The following RAB5A variants were observed in gnomAD, a reference collection of about 807,000 sequenced individuals.
RAB5A encodes the protein RAB5A, member RAS oncogene family.
In RAB5A, 8 loss-of-function variants were observed where a neutral mutation model predicts 25.7. The ratio of observed to expected loss-of-function variants is 0.31; its 90% CI spans 0.18 to 0.56. RAB5A has a LOEUF of 0.56. Ranked by LOEUF, RAB5A falls within the 20% of genes least tolerant of loss-of-function variation. The probability of loss-of-function intolerance (pLI) is 0.91; values close to 1 mark genes in which losing one functional copy is unlikely to be tolerated. For synonymous variants in RAB5A, 98 were observed against 89.8 expected (o/e 1.09, Z -0.52); for missense variants, 192 against 259.7 (o/e 0.74, Z 1.79).
intron 2 of RAB5A, among the ~76,000 whole-genome samples, chr3:19,956,412 C>T (rs1419502558): frequency 6.6e-6 from 1 of 152,170 alleles, no homozygotes; most frequent in African/African-American, 2.4e-5. Flanking sequence ...CGAGATCGCG[C>T]CATTGCACTC....
chr3:19,977,634 G>A (rs945823289), intron 4 of RAB5A, among the ~76,000 whole-genome samples: 2 of 152,276 alleles, frequency 1.3e-5, no homozygotes, highest in Admixed American at 6.5e-5. Context: ...CACAAGAGTG[G>A]CAGAGAAAAC....
Position 19,950,982 on chromosome 3 carries a change from G to T in RAB5A, c.84G>T (p.Glu28Asp). Residue 28 changes from glutamate (E) to aspartate (D), a missense_variant, in exon 2 of 6, where the codon GAG becomes GAT. Coordinates refer to ENST00000273047, the MANE Select transcript of RAB5A (RefSeq NM_004162.5). ...AGTTCAAACTAGTACTTCTGGGAGA[G>T]TCCGCTGTTGGCAAATCAAGCCTAG... ...ICQFKLVLLGESAVGKSSLVL... is the reference protein window; with the variant it reads ...ICQFKLVLLGDSAVGKSSLVL... 2 of 1,614,080 alleles carry T rather than the reference G, an allele frequency of 1.2e-6. No individual in the cohort carries two copies. Among genetic ancestry groups the T allele is most frequent in the Non-Finnish European group, 1.7e-6 (2 of 1,179,958 alleles).
At chr3:19,965,082 C>A (rs183423741) in intron 2 of RAB5A, among the ~76,000 whole-genome samples, 1 of 150,620 alleles carries the variant, frequency 6.6e-6, no homozygotes, top group Non-Finnish European at 1.5e-5. Flanking sequence ...CCACCATGCC[C>A]GACTAATTTT....
intron 2 of RAB5A, among the ~76,000 whole-genome samples, chr3:19,951,719 T>TTTTTTTTA (rs1553638043): frequency 2.7e-5 from 4 of 147,638 alleles, no homozygotes; most frequent in African/African-American, 1.0e-4. Flanking sequence ...TTTTTTTTTT[T>TTTTTTTTA]AAGAGTCAGA....
intron 2 of RAB5A, among the ~76,000 whole-genome samples, chr3:19,974,444 C>T (rs113831341): frequency 4.2e-4 from 64 of 151,982 alleles, no homozygotes; most frequent in Non-Finnish European, 1.3e-4. Flanking sequence ...TGAGCCACCA[C>T]GCCTGGCCTA....
chr3:19,952,983 G>T (rs4858660), intron 2 of RAB5A, among the ~76,000 whole-genome samples: 3 of 151,760 alleles, frequency 2.0e-5, no homozygotes, highest in African/African-American at 4.9e-5. Flanking sequence ...CAAAGTATAT[G>T]TGCATTCTGG....
In RAB5A at chr3:19,984,736, C is replaced by T. The variant is rs1346645145; in HGVS notation, c.*913C>T. The T allele has an allele frequency of 6.5e-6, 1 of 153,162 alleles. No individual in the cohort carries two copies. Among genetic ancestry groups the T allele is most frequent in the East Asian group, 1.9e-4 (1 of 5,206 alleles). 9.5% of individuals were successfully genotyped at this position (153,162 alleles called of 1,614,324 possible). A position where few individuals can be genotyped will look rare whatever the true frequency, so the allele number is the denominator to read the frequency against. On this transcript the variant is annotated 3_prime_UTR_variant, in exon 6 of 6. Coordinates refer to ENST00000273047, the MANE Select transcript of RAB5A (RefSeq NM_004162.5). ...TGTAAATAGGGTACTGCATTGTAGT[C>T]TCCATATCTGTATTACTTTTCTGTA...
rs1202465417 is a variant in RAB5A at position 19,950,948 on chromosome 3, A to G, written c.50A>G (p.Lys17Arg). 1 of 1,613,974 alleles carries G rather than the reference A, an allele frequency of 6.2e-7. No individual in the cohort carries two copies. Among genetic ancestry groups the G allele is most frequent in the Non-Finnish European group, 8.5e-7 (1 of 1,179,894 alleles). ...TRPNGPNTGN[K>R]ICQFKLVLLG... ...CCCAACGGGCCAAATACGGGAAATA[A>G]AATATGCCAGTTCAAACTAGTACTT... Residue 17 changes from lysine (K) to arginine (R), a missense_variant, in exon 2 of 6, where the codon AAA (lysine) becomes AGA (arginine). By Grantham distance (26) the Lys-to-Arg change is conservative (BLOSUM62 2). Coordinates refer to ENST00000273047, the MANE Select transcript of RAB5A (RefSeq NM_004162.5).
At chr3:19,959,625 AT>A (rs63289661) in intron 2 of RAB5A, among the ~76,000 whole-genome samples, 32,429 of 117,720 alleles carry the variant, frequency 0.28, 4,256 homozygotes, top group East Asian at 0.62. Context: ...TTGTGTTCTG[AT>A]TTTTTTTTTT....
At position 19,963,376 on chromosome 3, in the gene RAB5A, C is replaced by CCCCCG. The variant is rs869290360; in HGVS notation, c.164-12223_164-12222insCCGCC. Among the ~76,000 whole-genome samples, 102 of 86,762 alleles carry CCCCCG rather than the reference C, an allele frequency of 1.2e-3. 1 individual carries two copies. Among genetic ancestry groups the CCCCCG allele is most frequent in the South Asian group, 3.7e-3 (7 of 1,874 alleles). The allele number at this position is 86,762 out of a possible 152,430, so 56.9% of individuals were successfully genotyped here. On this transcript the variant is annotated intron_variant, in intron 2 of 5. Transcript: ENST00000273047. ...ATCTTAGAATTTCACCCCCCCCCCCCCCGACTTATTTTCGTAAGATCAATT... is the reference window on the plus strand; with the variant it reads ...ATCTTAGAATTTCACCCCCCCCCCCCCCCCGCCGACTTATTTTCGTAAGATCAATT...
intron 2 of RAB5A, among the ~76,000 whole-genome samples, chr3:19,963,369 C>G (rs1239988353): frequency 1.5e-5 from 1 of 65,094 alleles, no homozygotes; most frequent in Non-Finnish European, 3.0e-5. Context: ...ATTTCACCCC[C>G]CCCCCCCCCG....
intron 2 of RAB5A, among the ~76,000 whole-genome samples, chr3:19,967,873 G>T (rs746897101): frequency 6.6e-6 from 1 of 151,976 alleles, no homozygotes; most frequent in Non-Finnish European, 1.5e-5. Flanking sequence ...GGTGCTTCCT[G>T]TATACACACA....
chr3:19,977,223 C>T (rs1009806034), intron 4 of RAB5A, among the ~76,000 whole-genome samples: 3 of 152,160 alleles, frequency 2.0e-5, no homozygotes, highest in African/African-American at 4.8e-5. Context: ...CAGGCGCCCA[C>T]CACCACTCCT....
chr3:19,957,271 A>G (rs1227830148), intron 2 of RAB5A, among the ~76,000 whole-genome samples: 5 of 152,132 alleles, frequency 3.3e-5, no homozygotes, highest in Non-Finnish European at 7.4e-5. Flanking sequence ...GAGAAATTAC[A>G]GGGCTAAAGT....
rs1435148044 is a variant in RAB5A at position 19,978,335 on chromosome 3, A to G, written c.464A>G (p.Asn155Ser). Residue 155 changes from asparagine (N) to serine (S), a missense_variant, in exon 5 of 6, where the codon AAT becomes AGT. Coordinates refer to ENST00000273047, the MANE Select transcript of RAB5A (RefSeq NM_004162.5). ...FQEAQSYADD[N>S]SLLFMETSAK... ...GAAGCACAGTCCTATGCAGATGACA[A>G]TAGTTTATTATTCATGGAGACATCC... is the stretch of plus-strand genomic sequence containing the variant. The G allele has an allele frequency of 4.3e-6, 7 of 1,610,504 alleles. No homozygotes were observed. Among genetic ancestry groups the G allele is most frequent in the African/African-American group, 1.3e-5 (1 of 74,956 alleles).
chr3:19,951,573 T>C (rs1434574323), intron 2 of RAB5A, among the ~76,000 whole-genome samples: 3 of 152,162 alleles, frequency 2.0e-5, no homozygotes, highest in Non-Finnish European at 4.4e-5. Flanking sequence ...TCGCCTAGGC[T>C]GGAGTGCAGT....
At chr3:19,981,056 T>C (rs1195346795) in intron 5 of RAB5A, among the ~76,000 whole-genome samples, 3 of 152,140 alleles carry the variant, frequency 2.0e-5, no homozygotes, top group African/African-American at 7.2e-5. Context: ...TAGTGGTCTG[T>C]CCCCAAGATT....
intron 2 of RAB5A, among the ~76,000 whole-genome samples, chr3:19,955,433 C>G (rs1015255557): frequency 6.6e-6 from 1 of 152,146 alleles, no homozygotes; most frequent in Admixed American, 6.5e-5. Context: ...CGTGTTGAAT[C>G]AAAACATTTG....
rs1696996299 is a variant in RAB5A at position 19,984,565 on chromosome 3, CTAAT to C, written c.*747_*750del. 1 of 177,516 alleles carries C rather than the reference CTAAT, an allele frequency of 5.6e-6. No individual in the cohort carries two copies. 11.0% of individuals were successfully genotyped at this position (177,516 alleles called of 1,614,324 possible). The stretch of plus-strand genomic sequence containing the variant: ...GAAATAAACCAGGTGTCTGTGATTT[CTAAT>C]TAATCACCGCTGGCCATTACACAGG... On this transcript the variant is annotated 3_prime_UTR_variant, in exon 6 of 6. Transcript: ENST00000273047.
Sources: allele counts gnomAD v4.1 joint callset (sites outside exome capture counted in the v4.1 genomes callset), GRCh38; gene constraint gnomAD v4.1.1; transcripts MANE v1.5; gene names NCBI Gene and HGNC (gene_info 2026-07-23, HGNC 2026-07-21).